Variants in LIMA1 observed in about 807,000 individuals in gnomAD.
LIMA1 encodes the protein LIM domain and actin-binding protein 1.
Under a neutral mutation model 62.6 loss-of-function variants are expected in LIMA1, and 52 were observed. That is an observed-to-expected ratio of 0.83 (90% CI 0.67 to 1.05). The LOEUF (loss-of-function observed/expected upper bound fraction) is 1.05. LIMA1 is among the 50% of genes least tolerant of loss of function. LIMA1 has a pLI of 0.00. For missense variants in LIMA1, 780 were observed against 902.2 expected, an observed-to-expected ratio of 0.86 and a Z score of 1.74; for synonymous variants, 302 against 317.8, an observed-to-expected ratio of 0.95 and a Z score of 0.53.
chr12:50,235,455 G>A (rs1941678522), intron 2 of LIMA1, among the ~76,000 whole-genome samples: 1 of 151,604 alleles, frequency 6.6e-6, no homozygotes, highest in Non-Finnish European at 1.5e-5. Flanking sequence ...TACTAGAGAC[G>A]GGTTTCACCA....
At chr12:50,210,437 A>G (rs1488146985) in intron 4 of LIMA1, among the ~76,000 whole-genome samples, 1 of 141,192 alleles carries the variant, frequency 7.1e-6, no homozygotes, top group East Asian at 2.0e-4. Context: ...AAAAAAAAAG[A>G]AAAAAAGAAA....
At position 50,205,246 on chromosome 12, in the gene LIMA1, T is replaced by C. The variant is rs1251259116; in HGVS notation, c.716-546A>G. 7.9e-3 allele frequency among the ~76,000 whole-genome samples: 1,191 copies of C among 151,648 alleles called. 14 individuals carry two copies. The highest frequency in any genetic ancestry group is 0.026 in the African/African-American group (1,083 of 41,348). ...GGATGCACCACCACGCTGGGCTTTT[T>C]TTTTTTTTTTCTGTAGAGATAGGTC... is the stretch of plus-strand genomic sequence containing the variant. On this transcript the variant is annotated intron_variant, in intron 5 of 10. Transcript: ENST00000341247.
At chr12:50,205,085 T>C (rs1045537114) in intron 5 of LIMA1, among the ~76,000 whole-genome samples, 1 of 151,434 alleles carries the variant, frequency 6.6e-6, no homozygotes, top group Non-Finnish European at 1.5e-5. Context: ...GCATATTTTA[T>C]TTTTTGAGAC....
intron 9 of LIMA1, among the ~76,000 whole-genome samples, chr12:50,182,979 G>A (rs1055618788): frequency 7.9e-5 from 12 of 152,088 alleles, no homozygotes; most frequent in African/African-American, 1.7e-4. Context: ...CGAGGTGGGC[G>A]GATCATGAGG....
At chr12:50,265,496 G>A (rs1942129145) in intron 1 of LIMA1, among the ~76,000 whole-genome samples, 1 of 151,202 alleles carries the variant, frequency 6.6e-6, no homozygotes, top group African/African-American at 2.4e-5. Flanking sequence ...CACCAGCCTG[G>A]GCAACAAGAA....
intron 1 of LIMA1, among the ~76,000 whole-genome samples, chr12:50,251,931 G>A (rs1245148124): frequency 6.6e-6 from 1 of 152,162 alleles, no homozygotes; most frequent in African/African-American, 2.4e-5. Context: ...AGATAAACGT[G>A]AGAATCAATA....
intron 1 of LIMA1, among the ~76,000 whole-genome samples, chr12:50,283,133 A>C (rs76326165): frequency 1.4e-3 from 209 of 152,164 alleles, no homozygotes; most frequent in African/African-American, 5.0e-3. Flanking sequence ...ACCACACCAG[A>C]AAGTATACAG....
intron 1 of LIMA1, among the ~76,000 whole-genome samples, chr12:50,279,462 G>T (rs1592576063): frequency 6.6e-6 from 1 of 151,788 alleles, no homozygotes; most frequent in African/African-American, 2.4e-5. Context: ...AAATTTTCAG[G>T]CCACTTACAT....
At chr12:50,197,815 T>C (rs1451850113) in intron 7 of LIMA1, among the ~76,000 whole-genome samples, 1 of 151,812 alleles carries the variant, frequency 6.6e-6, no homozygotes, top group African/African-American at 2.4e-5. Context: ...TTCTTTCTTT[T>C]TTTTTTTTAA....
At chr12:50,214,578 G>GT (rs1941311880) in intron 4 of LIMA1, among the ~76,000 whole-genome samples, 1 of 152,222 alleles carries the variant, frequency 6.6e-6, no homozygotes, top group South Asian at 2.1e-4. Context: ...GGAGGCCAAG[G>GT]TGGGGGGATC....
intron 2 of LIMA1, among the ~76,000 whole-genome samples, chr12:50,235,648 A>C (rs937351654): frequency 3.3e-5 from 5 of 152,196 alleles, no homozygotes; most frequent in Admixed American, 6.6e-5. Context: ...GCAATTGAGC[A>C]GAACTCTCTA....
chr12:50,259,942 G>A (rs1475154432), intron 1 of LIMA1, among the ~76,000 whole-genome samples: 1 of 152,058 alleles, frequency 6.6e-6, no homozygotes, highest in Non-Finnish European at 1.5e-5. Flanking sequence ...CTGTGTAATT[G>A]AGAATAAATT....
intron 1 of LIMA1, among the ~76,000 whole-genome samples, chr12:50,270,604 CAA>C (rs150300834): frequency 0.021 from 1,537 of 71,554 alleles, 9 homozygotes; most frequent in African/African-American, 0.051. Flanking sequence ...GACCTTATCT[CAA>C]AAAAAAAAAA....
chr12:50,255,047 CA>C (rs35730958), intron 1 of LIMA1, among the ~76,000 whole-genome samples: 1 of 149,270 alleles, frequency 6.7e-6, no homozygotes, highest in African/African-American at 2.5e-5. Context: ...AAAAACAAAA[CA>C]AAAAAAAACC....
At chr12:50,259,858 C>A (rs1942042970) in intron 1 of LIMA1, among the ~76,000 whole-genome samples, 2 of 152,184 alleles carry the variant, frequency 1.3e-5, no homozygotes, top group Non-Finnish European at 2.9e-5. Flanking sequence ...TATTTGATCT[C>A]TTTATCGCCT....
At chr12:50,182,363 G>C (rs1862044) in intron 9 of LIMA1, among the ~76,000 whole-genome samples, 39 of 151,186 alleles carry the variant, frequency 2.6e-4, no homozygotes, top group Non-Finnish European at 3.8e-4. Context: ...GGGGTCGGGG[G>C]GGGGAGTGCA....
At chr12:50,267,991 T>C (rs1942160031) in intron 1 of LIMA1, among the ~76,000 whole-genome samples, 1 of 152,202 alleles carries the variant, frequency 6.6e-6, no homozygotes, top group Non-Finnish European at 1.5e-5. Context: ...AAATTGTTTA[T>C]TATCTCTACA....
chr12:50,203,935 T>C (rs1941103911), intron 6 of LIMA1, among the ~76,000 whole-genome samples: 1 of 152,048 alleles, frequency 6.6e-6, no homozygotes, highest in Non-Finnish European at 1.5e-5. Context: ...GCAGGGGAAG[T>C]TGGGAGTGAC....
At chr12:50,216,297 C>T (rs536753643) in intron 4 of LIMA1, among the ~76,000 whole-genome samples, 3 of 152,100 alleles carry the variant, frequency 2.0e-5, no homozygotes, top group Non-Finnish European at 4.4e-5. Context: ...TCACTGCAAA[C>T]TCTGCCTTCT....
Sources: gnomAD v4.1 joint callset for allele counts (sites outside exome capture counted in the v4.1 genomes callset) on GRCh38, gnomAD v4.1.1 for gene constraint, MANE v1.5 for transcripts, NCBI Gene and HGNC (gene_info 2026-07-23, HGNC 2026-07-21) for gene names.